The following DIAPH2 variants were observed in gnomAD, a reference collection of about 807,000 sequenced individuals.
DIAPH2 encodes the protein diaphanous related formin 2.
Under a neutral mutation model 92.7 loss-of-function variants are expected in DIAPH2, and 35 were observed. The ratio of observed to expected loss-of-function variants is 0.38; its 90% CI spans 0.29 to 0.50. The LOEUF (loss-of-function observed/expected upper bound fraction) is 0.50. Among genes scored for constraint, DIAPH2 ranks in the 20% least tolerant of loss-of-function variants. DIAPH2 has a pLI of 0.94. For synonymous variants in DIAPH2, 301 were observed against 280.4 expected, an observed-to-expected ratio of 1.07 and a Z score of -0.73; for missense variants, 701 against 819.5, an observed-to-expected ratio of 0.86 and a Z score of 1.77.
At chrX:96,998,225 A>G (rs1438497371) in intron 17 of DIAPH2, among the ~76,000 whole-genome samples, 1 of 111,140 alleles carries the variant, frequency 9.0e-6, no homozygotes, top group Admixed American at 9.5e-5. Flanking sequence ...ATTAATATTT[A>G]CCTTTAACTT....
At chrX:96,797,416 G>A (rs1275579167) in intron 4 of DIAPH2, among the ~76,000 whole-genome samples, 1 of 112,078 alleles carries the variant, frequency 8.9e-6, no homozygotes, top group African/African-American at 3.2e-5. Flanking sequence ...GGGAGCCAGA[G>A]GTTGCAGTGA....
chrX:96,793,740 C>G (rs2064518142), intron 4 of DIAPH2: 1 of 299,304 alleles, frequency 3.3e-6, no homozygotes, highest in African/African-American at 2.7e-5. Flanking sequence ...GATCCCACCT[C>G]CTAATACAAT....
chrX:97,122,957 A>G (rs566261371), intron 21 of DIAPH2, among the ~76,000 whole-genome samples: 61 of 111,792 alleles, frequency 5.5e-4, no homozygotes, highest in African/African-American at 1.8e-3. Context: ...ATGTCATCAT[A>G]TAATATAGTG....
chrX:97,253,599 A>T (rs1476580835), intron 23 of DIAPH2, among the ~76,000 whole-genome samples: 2 of 109,388 alleles, frequency 1.8e-5, no homozygotes, highest in South Asian at 4.0e-4. Flanking sequence ...TACAAAAAAA[A>T]ATTAGCCAGG....
intron 23 of DIAPH2, among the ~76,000 whole-genome samples, chrX:97,326,279 G>C (rs2068950564): frequency 8.9e-6 from 1 of 112,074 alleles, no homozygotes; most frequent in South Asian, 3.7e-4. Context: ...ACAGTGGGTA[G>C]CATATGGAAT....
intron 3 of DIAPH2, among the ~76,000 whole-genome samples, chrX:96,746,026 A>G (rs183756994): frequency 9.0e-6 from 1 of 111,360 alleles, no homozygotes; most frequent in East Asian, 2.8e-4. Flanking sequence ...GAGCCTCCCA[A>G]GTATCTGGGA....
chrX:97,486,306 T>TA (rs2070688176), intron 26 of DIAPH2, among the ~76,000 whole-genome samples: 1 of 111,941 alleles, frequency 8.9e-6, no homozygotes, highest in Admixed American at 9.5e-5. Context: ...TTTAGTGTCC[T>TA]AAACTTATCC....
chrX:97,283,213 G>A (rs1304582012), intron 23 of DIAPH2, among the ~76,000 whole-genome samples: 1 of 111,878 alleles, frequency 8.9e-6, no homozygotes, highest in Non-Finnish European at 1.9e-5. Context: ...CTTGCTTTGT[G>A]TAAATGATTA....
At chrX:97,197,833 C>T (rs1256182185) in intron 22 of DIAPH2, among the ~76,000 whole-genome samples, 2 of 111,917 alleles carry the variant, frequency 1.8e-5, no homozygotes, top group African/African-American at 3.2e-5. Flanking sequence ...ACCACAACCA[C>T]GTTGGCTGTC....
At chrX:97,102,544 G>T (rs1259708997) in intron 20 of DIAPH2, among the ~76,000 whole-genome samples, 1 of 111,826 alleles carries the variant, frequency 8.9e-6, no homozygotes, top group Non-Finnish European at 1.9e-5. Flanking sequence ...AAATATTGAG[G>T]ACTTAATTTG....
At chrX:97,326,326 A>G (rs1262373125) in intron 23 of DIAPH2, among the ~76,000 whole-genome samples, 1 of 112,217 alleles carries the variant, frequency 8.9e-6, no homozygotes, top group Non-Finnish European at 1.9e-5. Flanking sequence ...TAATGTTTGT[A>G]TCACTGTTTG....
At chrX:97,162,172 T>G (rs985458262) in intron 22 of DIAPH2, among the ~76,000 whole-genome samples, 1 of 111,309 alleles carries the variant, frequency 9.0e-6, no homozygotes, top group African/African-American at 3.3e-5. Flanking sequence ...ATTCTCTCTT[T>G]ACCTGTATCT....
chrX:96,779,466 A>G (rs1002162131), intron 4 of DIAPH2, among the ~76,000 whole-genome samples: 1 of 112,402 alleles, frequency 8.9e-6, no homozygotes, highest in Admixed American at 9.4e-5. Context: ...AATTTGAAGT[A>G]ATGAAATGTC....
At chrX:97,584,926 A>G (rs923331275) in intron 26 of DIAPH2, among the ~76,000 whole-genome samples, 6 of 112,568 alleles carry the variant, frequency 5.3e-5, no homozygotes, top group African/African-American at 1.9e-4. Flanking sequence ...GTTATGTCAC[A>G]GTTCTCATAT....
At chrX:97,475,955 G>A (rs1209150045) in intron 26 of DIAPH2, among the ~76,000 whole-genome samples, 1 of 111,665 alleles carries the variant, frequency 9.0e-6, no homozygotes, top group East Asian at 2.8e-4. Context: ...GAGTCATCAG[G>A]AAAACATTAG....
At chrX:96,750,584 C>A (rs142081613) in intron 3 of DIAPH2, among the ~76,000 whole-genome samples, 1 of 111,588 alleles carries the variant, frequency 9.0e-6, no homozygotes, top group East Asian at 2.8e-4. Flanking sequence ...TTCCACAAAA[C>A]CTCTTTTTAT....
At chrX:97,000,062 TTCATAGCAGCATGA>T (rs2066132831) in intron 17 of DIAPH2, among the ~76,000 whole-genome samples, 1 of 112,111 alleles carries the variant, frequency 8.9e-6, no homozygotes, top group South Asian at 3.8e-4. Flanking sequence ...TGGGTATTTC[TTCATAGCAGCATGA>T]AAATGGACTG....
intron 17 of DIAPH2, among the ~76,000 whole-genome samples, chrX:96,988,202 T>C (rs1042786342): frequency 1.8e-5 from 2 of 109,757 alleles, no homozygotes; most frequent in Admixed American, 2.0e-4. Flanking sequence ...AGTCTAACAG[T>C]AAAAATATAA....
intron 26 of DIAPH2, among the ~76,000 whole-genome samples, chrX:97,480,841 C>T (rs766462233): frequency 8.9e-6 from 1 of 112,039 alleles, no homozygotes; most frequent in South Asian, 3.8e-4. Flanking sequence ...TTATTGACTA[C>T]CCTCTTCTAC....
Sources: allele counts gnomAD v4.1 joint callset (sites outside exome capture counted in the v4.1 genomes callset), GRCh38; gene constraint gnomAD v4.1.1; transcripts MANE v1.5; gene names NCBI Gene and HGNC (gene_info 2026-07-23, HGNC 2026-07-21).